Variants in ANXA10 observed in about 807,000 individuals in gnomAD.
The protein encoded by ANXA10 is annexin A10.
ANXA10 carries 49 observed loss-of-function variants against 53.5 expected under a neutral mutation model. The ratio of observed to expected loss-of-function variants is 0.92; its 90% confidence interval spans 0.73 to 1.16. The LOEUF (loss-of-function observed/expected upper bound fraction) is 1.16, where lower values mean the gene tolerates loss of function less well. Among genes scored for constraint, ANXA10 ranks in the 50% most tolerant of loss-of-function variants. The pLI is 0.00. For missense variants in ANXA10, 393 were observed against 394.4 expected (o/e 1.00, Z 0.03); for synonymous variants, 131 against 128.9 (o/e 1.02, Z -0.11).
intron 2 of ANXA10, 149 bp from the exon 3 acceptor site, chr4:168,139,337 C>T (rs1731288942): frequency 3.6e-6 from 2 of 559,872 alleles, no homozygotes; most frequent in Non-Finnish European, 6.3e-6. Context: ...AGCATCATTA[C>T]ATGATTTCCA....
intron 1 of ANXA10, among the ~76,000 whole-genome samples, chr4:168,098,120 T>TA (rs397793907): frequency 0.011 from 1,523 of 144,844 alleles, 26 homozygotes; most frequent in African/African-American, 0.033. Context: ...TCTTGAAATT[T>TA]AAAAAAAAAA....
chr4:168,100,985 G>A (rs1309570172), intron 1 of ANXA10, among the ~76,000 whole-genome samples: 1 of 151,972 alleles, frequency 6.6e-6, no homozygotes, highest in African/African-American at 2.4e-5. Flanking sequence ...TTGGTTTCCT[G>A]CTTGATATGG....
chr4:168,162,733 T>C (rs938285013), intron 4 of ANXA10, 92 bp downstream of exon 4: 14 of 918,108 alleles, frequency 1.5e-5, no homozygotes, highest in South Asian at 2.8e-5. Flanking sequence ...TACATACTTA[T>C]ATGATCAAGG....
intron 1 of ANXA10, among the ~76,000 whole-genome samples, chr4:168,122,800 C>A (rs1553997526): frequency 6.6e-6 from 1 of 152,136 alleles, no homozygotes; most frequent in Non-Finnish European, 1.5e-5. Context: ...CATGAGGTAT[C>A]CACCCCTATG....
intron 11 of ANXA10, 53 bp downstream of exon 11, chr4:168,184,734 CTG>C: frequency 6.3e-7 from 1 of 1,598,796 alleles, no homozygotes; most frequent in East Asian, 2.2e-5. Flanking sequence ...CTTTTTGAAA[CTG>C]AGATAAAAGT....
intron 1 of ANXA10, among the ~76,000 whole-genome samples, chr4:168,106,812 T>C (rs936188957): frequency 6.6e-6 from 1 of 152,202 alleles, no homozygotes; most frequent in African/African-American, 2.4e-5. Context: ...TCTGGTTACA[T>C]GATACATGAT....
At chr4:168,120,681 A>G (rs1295266288) in intron 1 of ANXA10, among the ~76,000 whole-genome samples, 1 of 152,092 alleles carries the variant, frequency 6.6e-6, no homozygotes, top group African/African-American at 2.4e-5. Flanking sequence ...CTCATCTTTT[A>G]CATAATGTTT....
chr4:168,135,282 C>T (rs1485008817), intron 2 of ANXA10, among the ~76,000 whole-genome samples: 1 of 152,196 alleles, frequency 6.6e-6, no homozygotes, highest in Non-Finnish European at 1.5e-5. Context: ...TGTCCTCACA[C>T]AGACACTGGG....
intron 3 of ANXA10, among the ~76,000 whole-genome samples, chr4:168,155,541 T>A (rs1280065771): frequency 2.1e-5 from 1 of 47,764 alleles, no homozygotes; most frequent in Admixed American, 3.7e-4. Flanking sequence ...TATAATTATA[T>A]ATTATAAAAT....
chr4:168,109,203 C>T (rs930920489), intron 1 of ANXA10, among the ~76,000 whole-genome samples: 3 of 152,166 alleles, frequency 2.0e-5, no homozygotes, highest in African/African-American at 7.2e-5. Context: ...TACCAACCCT[C>T]ACTTTCCAGA....
chr4:168,180,379 C>T (rs1168608193), intron 9 of ANXA10, among the ~76,000 whole-genome samples: 3 of 152,188 alleles, frequency 2.0e-5, no homozygotes, highest in Admixed American at 6.5e-5. Context: ...GACTAAAATT[C>T]ATAATATCCG....
Position 168,119,640 on chromosome 4 carries a change from G to T in ANXA10, c.19-8444G>T, listed in dbSNP as rs1730954203. Among the ~76,000 whole-genome samples the T allele has an allele frequency of 3.3e-5, 5 of 152,186 alleles. No individual in the cohort carries two copies. The South Asian group carries it at 1.0e-3, about 31-fold the overall frequency. On this transcript the variant is annotated intron_variant, in intron 1 of 11. Coordinates refer to ENST00000359299, the MANE Select transcript of ANXA10 (RefSeq NM_007193.5). Reference sequence around the variant, plus strand: ...ATATGTATGTCTTTGGTTAATATATGAAATATTTTGAAATATTGTTATACG... The same window carrying T: ...ATATGTATGTCTTTGGTTAATATATTAAATATTTTGAAATATTGTTATACG...
At chr4:168,098,148 G>A (rs1186689742) in intron 1 of ANXA10, among the ~76,000 whole-genome samples, 2 of 151,492 alleles carry the variant, frequency 1.3e-5, no homozygotes, top group Admixed American at 1.3e-4. Flanking sequence ...TTAACTATAT[G>A]TTCTTTTTTT....
At chr4:168,100,991 T>A (rs566365001) in intron 1 of ANXA10, among the ~76,000 whole-genome samples, 1 of 152,198 alleles carries the variant, frequency 6.6e-6, no homozygotes, top group South Asian at 2.1e-4. Context: ...TCCTGCTTGA[T>A]ATGGTTTGGA....
chr4:168,112,357 T>A (rs557342597), intron 1 of ANXA10, among the ~76,000 whole-genome samples: 1 of 152,144 alleles, frequency 6.6e-6, no homozygotes, highest in East Asian at 1.9e-4. Flanking sequence ...AAAAAAAATA[T>A]GTAAATGTGA....
At chr4:168,143,725 A>G (rs1412039497) in intron 3 of ANXA10, among the ~76,000 whole-genome samples, 2 of 152,234 alleles carry the variant, frequency 1.3e-5, no homozygotes, top group Non-Finnish European at 2.9e-5. Flanking sequence ...AACAGGGACT[A>G]TCCGGTCTAA....
At chr4:168,134,240 C>A (rs1242877859) in intron 2 of ANXA10, among the ~76,000 whole-genome samples, 2 of 152,018 alleles carry the variant, frequency 1.3e-5, no homozygotes, top group Admixed American at 1.3e-4. Flanking sequence ...TTTACTAAGT[C>A]TTTTAGAGAA....
intron 1 of ANXA10, among the ~76,000 whole-genome samples, chr4:168,117,683 C>T (rs570182587): frequency 5.1e-4 from 77 of 152,184 alleles, no homozygotes; most frequent in Admixed American, 4.5e-3. Context: ...AAAACATCAC[C>T]GAAGTTCTAA....
intron 3 of ANXA10, among the ~76,000 whole-genome samples, chr4:168,156,162 T>TATATTATATATTATATATTA (rs377015231): frequency 2.0e-5 from 1 of 50,888 alleles, no homozygotes; most frequent in African/African-American, 8.1e-5. Context: ...ATATTATATA[T>TATATTATATATTATATATTA]TATATATATT....
Sources: allele counts gnomAD v4.1 joint callset (sites outside exome capture counted in the v4.1 genomes callset), GRCh38; gene constraint gnomAD v4.1.1; transcripts MANE v1.5; gene names NCBI Gene and HGNC (gene_info 2026-07-23, HGNC 2026-07-21).